Variants in DPYSL3 observed in about 807,000 individuals in gnomAD.
DPYSL3 encodes the protein dihydropyrimidinase like 3.
A neutral mutation model predicts 66.1 loss-of-function variants in DPYSL3; 16 were observed. The observed-to-expected ratio is 0.24, with a 90% CI of 0.16 to 0.37. The LOEUF (loss-of-function observed/expected upper bound fraction) is 0.37, where lower values mean the gene tolerates loss of function less well. Among genes scored for constraint, DPYSL3 ranks in the 10% least tolerant of loss-of-function variants. The pLI, the probability that DPYSL3 is intolerant of heterozygous loss-of-function variation, is 1.00. For synonymous variants in DPYSL3, 338 were observed against 345.1 expected, an observed-to-expected ratio of 0.98 and a Z score of 0.23; for missense variants, 738 against 916.2, an observed-to-expected ratio of 0.81 and a Z score of 2.51.
At chr5:147,397,598 G>GT (rs1403341789) in intron 12 of DPYSL3, 68 bp downstream of exon 12, 25 of 1,518,926 alleles carry the variant, frequency 1.6e-5, no homozygotes, top group Non-Finnish European at 2.1e-5. Context: ...TGTGTTCATG[G>GT]TTACTATCTC....
At chr5:147,463,278 G>A (rs896195317) in intron 1 of DPYSL3, among the ~76,000 whole-genome samples, 1 of 152,116 alleles carries the variant, frequency 6.6e-6, no homozygotes, top group Non-Finnish European at 1.5e-5. Context: ...ATGGCCACAT[G>A]ACAGCCCCAT....
At chr5:147,497,707 TAAA>T (rs35494023) in intron 1 of DPYSL3, among the ~76,000 whole-genome samples, 1 of 146,660 alleles carries the variant, frequency 6.8e-6, no homozygotes, top group Non-Finnish European at 1.5e-5. Flanking sequence ...CCATTCATGA[TAAA>T]AAAAAAAAAA....
chr5:147,439,584 G>A (rs557748336), intron 1 of DPYSL3, among the ~76,000 whole-genome samples: 14 of 152,206 alleles, frequency 9.2e-5, no homozygotes, highest in African/African-American at 3.4e-4. Context: ...GGAGTGACTT[G>A]GTTTGATTTA....
In DPYSL3 at chr5:147,440,174, G is replaced by A. The variant is rs188872698; in HGVS notation, c.382-15211C>T. ...AAAAATTAGCCAGGCATGGTGACAG[G>A]CGCCTGTAGTCCCAGCTACTCGGGA... On this transcript the variant is annotated intron_variant, in intron 1 of 13. Transcript: ENST00000343218. Among the ~76,000 whole-genome samples, 970 of 152,178 alleles carry A rather than the reference G, an allele frequency of 6.4e-3. 10 individuals carry two copies. Among genetic ancestry groups the A allele is most frequent in the Admixed American group, 9.4e-3 (143 of 15,286 alleles).
chr5:147,489,601 C>T (rs933001555), intron 1 of DPYSL3, among the ~76,000 whole-genome samples: 1 of 152,124 alleles, frequency 6.6e-6, no homozygotes, highest in Non-Finnish European at 1.5e-5. Context: ...ACCCCTTGAA[C>T]CTCATATTTG....
At chr5:147,402,411 G>A (rs1016813590) in intron 8 of DPYSL3, among the ~76,000 whole-genome samples, 3 of 133,822 alleles carry the variant, frequency 2.2e-5, no homozygotes, top group African/African-American at 3.9e-5. Context: ...GCAGTGGCGC[G>A]ATCTCGGCTC....
At chr5:147,483,524 A>G (rs1353743123) in intron 1 of DPYSL3, among the ~76,000 whole-genome samples, 2 of 152,188 alleles carry the variant, frequency 1.3e-5, no homozygotes, top group Admixed American at 6.5e-5. Flanking sequence ...TCCCAGCTAC[A>G]CAACTGTGGA....
At chr5:147,470,506 C>T (rs1041265286) in intron 1 of DPYSL3, among the ~76,000 whole-genome samples, 5 of 152,046 alleles carry the variant, frequency 3.3e-5, no homozygotes, top group African/African-American at 1.2e-4. Flanking sequence ...TTTCAGGTCT[C>T]ATCTTAAATT....
rs147531200 is a variant in DPYSL3, at chr5:147,495,144, C to T, written c.381+14334G>A. On this transcript the variant is annotated intron_variant, in intron 1 of 13. Coordinates refer to ENST00000343218, the MANE Select transcript of DPYSL3 (RefSeq NM_001197294.2). ...CAAATATTTAGGGAGTAAATTATGC[C>T]GATTCTCTACAATCTCTTTCAGAGA... is the stretch of plus-strand genomic sequence containing the variant. 3.3e-5 allele frequency among the ~76,000 whole-genome samples: 5 copies of T among 152,158 alleles called. No individual in the cohort carries two copies. In the East Asian group the frequency reaches 5.8e-4, roughly 18 times the overall value.
intron 1 of DPYSL3, among the ~76,000 whole-genome samples, chr5:147,448,452 C>T (rs1267947769): frequency 2.0e-5 from 3 of 152,186 alleles, no homozygotes. Context: ...TTTTGGAAAA[C>T]TCTTATTTTT....
intron 1 of DPYSL3, among the ~76,000 whole-genome samples, chr5:147,507,337 G>T (rs1300031036): frequency 6.7e-6 from 1 of 148,870 alleles, no homozygotes; most frequent in African/African-American, 2.5e-5. Context: ...GTAGATTTGG[G>T]CTTAATTTTT....
intron 12 of DPYSL3, among the ~76,000 whole-genome samples, chr5:147,397,012 T>C (rs958499009): frequency 5.8e-5 from 7 of 120,934 alleles, no homozygotes; most frequent in African/African-American, 2.0e-4. Context: ...CAATACAATA[T>C]AAATATATAA....
At position 147,453,501 on chromosome 5, in the gene DPYSL3, G is replaced by A. The variant is rs931906416; in HGVS notation, c.382-28538C>T. 15 of 1,512,428 alleles carry A rather than the reference G, an allele frequency of 9.9e-6. No individual in the cohort carries two copies. In the Middle Eastern group the frequency reaches 8.7e-4, roughly 87 times the overall value. The allele number at this position is 1,512,428 out of a possible 1,614,324, so 93.7% of individuals were successfully genotyped here. A position where few individuals can be genotyped will look rare whatever the true frequency, so the allele number is the denominator to read the frequency against. On this transcript the variant is annotated intron_variant, in intron 1 of 13. Coordinates refer to ENST00000343218, the MANE Select transcript of DPYSL3 (RefSeq NM_001197294.2). Reference sequence around the variant, plus strand: ...GAGCCGACCCCGCCCGCAGCGCAGCGGACAGGGAGCGAGCGAGGAGGGAGG... The same window carrying A: ...GAGCCGACCCCGCCCGCAGCGCAGCAGACAGGGAGCGAGCGAGGAGGGAGG...
In DPYSL3 at chr5:147,411,228, G is replaced by A. The variant is rs905377882; in HGVS notation, c.963+1380C>T. Among the ~76,000 whole-genome samples the A allele has an allele frequency of 4.6e-5, 7 of 152,204 alleles. No individual in the cohort carries two copies. The East Asian group carries it at 1.3e-3, about 29-fold the overall frequency. On this transcript the variant is annotated intron_variant, in intron 6 of 13. Coordinates refer to ENST00000343218, the MANE Select transcript of DPYSL3 (RefSeq NM_001197294.2). ...CTTTGGGTGTGTGGTGGAAGTGGGCGAAAGTGCTGTCAGGGTCCTGACTAA... is the reference window on the plus strand; with the variant it reads ...CTTTGGGTGTGTGGTGGAAGTGGGCAAAAGTGCTGTCAGGGTCCTGACTAA...
chr5:147,502,289 C>T (rs1433998349), intron 1 of DPYSL3, among the ~76,000 whole-genome samples: 2 of 151,896 alleles, frequency 1.3e-5, no homozygotes, highest in African/African-American at 4.8e-5. Flanking sequence ...GTACACAAAC[C>T]TTCAGACCAC....
intron 1 of DPYSL3, among the ~76,000 whole-genome samples, chr5:147,501,695 T>G (rs996657849): frequency 6.6e-6 from 1 of 152,058 alleles, no homozygotes. Context: ...GACAGGCTGG[T>G]CTCGAACTCC....
intron 1 of DPYSL3, among the ~76,000 whole-genome samples, chr5:147,439,904 A>G (rs1315356808): frequency 1.3e-5 from 2 of 152,230 alleles, no homozygotes; most frequent in Admixed American, 1.3e-4. Flanking sequence ...TTTAATCTAT[A>G]TATTTCAGGA....
At position 147,424,967 on chromosome 5, in the gene DPYSL3, G is replaced by C. The variant is rs1415121806; in HGVS notation, c.382-4C>G. On this transcript the variant is annotated splice_region_variant and splice_polypyrimidine_tract_variant and intron_variant, in intron 1 of 13. Coordinates refer to ENST00000343218, the MANE Select transcript of DPYSL3 (RefSeq NM_001197294.2). ...CCTTGATAAGGAGACGGTCACTCTA[G>C]AAAAGAAGGAAAACATGAGTTGTTA... The C allele has an allele frequency of 6.2e-7, 1 of 1,607,298 alleles. No individual in the cohort carries two copies. Among genetic ancestry groups the C allele is most frequent in the African/African-American group, 1.3e-5 (1 of 74,678 alleles).
At position 147,392,502 on chromosome 5, in the gene DPYSL3, C is replaced by T. The variant is rs1757840884; in HGVS notation, c.*1533G>A. On this transcript the variant is annotated 3_prime_UTR_variant, in exon 14 of 14. Coordinates refer to ENST00000343218, the MANE Select transcript of DPYSL3 (RefSeq NM_001197294.2). ...GTACACAGGGTTACAGGTGCTACCA[C>T]TTGGATTCCCCAGAGCATGGAAGTC... 1 of 152,214 alleles carries T rather than the reference C, an allele frequency of 6.6e-6. No homozygotes were observed. Among genetic ancestry groups the T allele is most frequent in the South Asian group, 2.1e-4 (1 of 4,826 alleles). 9.4% of individuals were successfully genotyped at this position (152,214 alleles called of 1,614,324 possible).
Sources: gnomAD v4.1 joint callset for allele counts (sites outside exome capture counted in the v4.1 genomes callset) on GRCh38, gnomAD v4.1.1 for gene constraint, MANE v1.5 for transcripts, NCBI Gene and HGNC (gene_info 2026-07-23, HGNC 2026-07-21) for gene names.